The following COL9A2 variants were observed in gnomAD, a reference collection of about 807,000 sequenced individuals.
The protein encoded by COL9A2 is collagen type IX alpha 2 chain.
A neutral mutation model predicts 111.6 loss-of-function variants in COL9A2; 66 were observed. That is an observed-to-expected ratio of 0.59 (90% CI 0.48 to 0.73). The LOEUF (loss-of-function observed/expected upper bound fraction) is 0.73. COL9A2 is among the 30% of genes least tolerant of loss of function. COL9A2 has a pLI of 0.00. For synonymous variants in COL9A2, 353 were observed against 364.1 expected, an observed-to-expected ratio of 0.97 and a Z score of 0.35; for missense variants, 881 against 954.1, an observed-to-expected ratio of 0.92 and a Z score of 1.01.
In COL9A2 at chr1:40,311,707, AGGGTCC is replaced by A; in HGVS notation, c.420_425del (p.Asp141_Pro142del). On this transcript the variant is annotated inframe_deletion and splice_region_variant, in exon 9 of 32. Coordinates refer to ENST00000372748, the MANE Select transcript of COL9A2 (RefSeq NM_001852.4). The surrounding 1 kb of genome is among the most constrained non-coding windows in gnomAD (Gnocchi z 5.1). ...GGGGCCCCGATGGTCCATCTGGTCCAGGGTCCCCCTGGAAGCAAAAGAAGCCCAAAT... is the reference window on the plus strand; with the variant it reads ...GGGGCCCCGATGGTCCATCTGGTCCACCCTGGAAGCAAAAGAAGCCCAAAT... 1 of 1,613,972 alleles carries A rather than the reference AGGGTCC, an allele frequency of 6.2e-7. No individual in the cohort carries two copies. The highest frequency in any genetic ancestry group is 2.2e-5 in the East Asian group (1 of 44,868).
rs887434467 is a variant in COL9A2, at chr1:40,314,079, G to C, written c.249+126C>G. On this transcript the variant is annotated intron_variant, in intron 4 of 31. Transcript: ENST00000372748. This position sits in a 1 kb window ranked among gnomAD's most constrained non-coding sequence, Gnocchi z 4.1. Reference sequence around the variant, plus strand: ...CACAAGTCATATCAAGGTGAGGGGGGCTCACAGCTGGAGAATCTCCATCCT... The same window carrying C: ...CACAAGTCATATCAAGGTGAGGGGGCCTCACAGCTGGAGAATCTCCATCCT... 4 of 1,039,214 alleles carry C rather than the reference G, an allele frequency of 3.8e-6. No homozygotes were observed. The highest frequency in any genetic ancestry group is 1.6e-5 in the African/African-American group (1 of 63,874). The allele number at this position is 1,039,214 out of a possible 1,614,324, so 64.4% of individuals were successfully genotyped here. A position where few individuals can be genotyped will look rare whatever the true frequency, so the allele number is the denominator to read the frequency against.
In COL9A2 at chr1:40,305,749, C is replaced by T; in HGVS notation, c.1073G>A (p.Gly358Asp). ...PGDQGEPGPQ[G>D]LPGFSGPPGK... ...AGGGGGACCAGAGAATCCAGGAAGG[C>T]CCTGCGGGCCCGGCTCACCCTGCAG... Residue 358 changes from glycine (G) to aspartate (D), a missense_variant, in exon 21 of 32, where the codon GGC (glycine) becomes GAC (aspartate). Transcript: ENST00000372748. 1 of 1,614,164 alleles carries T rather than the reference C, an allele frequency of 6.2e-7. No individual in the cohort carries two copies. Among genetic ancestry groups the T allele is most frequent in the Non-Finnish European group, 8.5e-7 (1 of 1,180,020 alleles).
chr1:40,302,676 C>T lies in COL9A2; in HGVS notation c.1737G>A (p.Arg579=), dbSNP rs761267460. 4 of 1,598,848 alleles carry T rather than the reference C, an allele frequency of 2.5e-6. No homozygotes were observed. In the East Asian group the frequency reaches 9.1e-5, roughly 36 times the overall value. The change falls in exon 30 of 32, where the codon CGG becomes CGA. Residue 579 remains arginine, a synonymous_variant. Transcript: ENST00000372748. This position sits in a 1 kb window ranked among gnomAD's most constrained non-coding sequence, Gnocchi z 4.5. ...CGGCTCCCACGATGCCAGGAACGCC[C>T]CGAGGGCCAGGGTGCCCATGGGGGC... ...KQGPHGHPGP[R]GVPGIVGAVG...
At position 40,310,483 on chromosome 1, in the gene COL9A2, T is replaced by C. The variant is rs1644106092; in HGVS notation, c.685-166A>G. ...CAGAGATGAGGAGGGACTCACTGCA[T>C]TACTCAAAGGGACAGTGGCAGACCT... On this transcript the variant is annotated intron_variant, in intron 13 of 31. Transcript: ENST00000372748. The surrounding 1 kb of genome is among the most constrained non-coding windows in gnomAD (Gnocchi z 4.9). 6.6e-6 allele frequency among the ~76,000 whole-genome samples: 1 copy of C among 152,104 alleles called. No homozygotes were observed. Among genetic ancestry groups the C allele is most frequent in the South Asian group, 2.1e-4 (1 of 4,828 alleles).
chr1:40,310,778 G>A lies in COL9A2; in HGVS notation c.631-11C>T, dbSNP rs752035196. 6.4e-7 allele frequency: 1 copy of A among 1,558,304 alleles called. No homozygotes were observed. The highest frequency in any genetic ancestry group is 1.2e-5 in the South Asian group (1 of 84,456). ...ATCTCCCTTGGGACCCTAAAGGGCA[G>A]GGATGAGCTGTCAGACAGGCAGGCA... On this transcript the variant is annotated splice_polypyrimidine_tract_variant and intron_variant, in intron 12 of 31. Transcript: ENST00000372748. The surrounding 1 kb of genome is among the most constrained non-coding windows in gnomAD (Gnocchi z 4.9).
chr1:40,308,504 C>T (rs544963703), intron 16 of COL9A2, among the ~76,000 whole-genome samples: 1 of 152,358 alleles, frequency 6.6e-6, no homozygotes, highest in South Asian at 2.1e-4. Flanking sequence ...CCACTGAGAC[C>T]TTGGCCAAGG....
In COL9A2 at chr1:40,300,860, C is replaced by T. The variant is rs1057515566; in HGVS notation, c.*322G>A. The stretch of plus-strand genomic sequence containing the variant: ...CCCACTGACCCAAGGACAAGATGGC[C>T]AGTGGAGAAAGGTGCAGATTAAGAT... On this transcript the variant is annotated 3_prime_UTR_variant, in exon 32 of 32. Transcript: ENST00000372748. This position sits in a 1 kb window ranked among gnomAD's most constrained non-coding sequence, Gnocchi z 4.4. The T allele has an allele frequency of 3.4e-6, 1 of 296,088 alleles. No individual in the cohort carries two copies. Among genetic ancestry groups the T allele is most frequent in the South Asian group, 4.6e-5 (1 of 21,710 alleles). The allele number at this position is 296,088 out of a possible 1,614,324, so 18.3% of individuals were successfully genotyped here. A position where few individuals can be genotyped will look rare whatever the true frequency, so the allele number is the denominator to read the frequency against.
intron 16 of COL9A2, 67 bp from the exon 17 acceptor site, chr1:40,308,312 GGAACCACTGA>G: frequency 6.6e-7 from 1 of 1,526,498 alleles, no homozygotes; most frequent in Non-Finnish European, 9.0e-7. Flanking sequence ...TGCAGAGAGG[GGAACCACTGA>G]GAACAGTGGC....
rs1644143524 is a variant in COL9A2, at chr1:40,312,329, C to T, written c.363+127G>A. ...GGCTGGCCCTGGGTCTCTGGCAGGTCCACTTATTCCTGACACTATCACAGC... is the reference window on the plus strand; with the variant it reads ...GGCTGGCCCTGGGTCTCTGGCAGGTTCACTTATTCCTGACACTATCACAGC... On this transcript the variant is annotated intron_variant, in intron 7 of 31. Coordinates refer to ENST00000372748, the MANE Select transcript of COL9A2 (RefSeq NM_001852.4). This position sits in a 1 kb window ranked among gnomAD's most constrained non-coding sequence, Gnocchi z 6.0. The T allele has an allele frequency of 7.4e-7, 1 of 1,356,466 alleles. No homozygotes were observed. Among genetic ancestry groups the T allele is most frequent in the African/African-American group, 1.5e-5 (1 of 68,664 alleles). 84.0% of individuals were successfully genotyped at this position (1,356,466 alleles called of 1,614,324 possible). A position where few individuals can be genotyped will look rare whatever the true frequency, so the allele number is the denominator to read the frequency against.
Position 40,305,724 on chromosome 1 carries a change from A to AG in COL9A2, c.1097dup (p.Gly367TrpfsTer23). 2 of 1,614,026 alleles carry AG rather than the reference A, an allele frequency of 1.2e-6. No homozygotes were observed. Among genetic ancestry groups the AG allele is most frequent in the Non-Finnish European group, 1.7e-6 (2 of 1,179,942 alleles). Reference sequence around the variant, plus strand: ...TGCAGGGGGCATTTACCTCTTTCCCAGGGGGACCAGAGAATCCAGGAAGGC... The same window carrying AG: ...TGCAGGGGGCATTTACCTCTTTCCCAGGGGGGACCAGAGAATCCAGGAAGGC... On this transcript the variant is annotated frameshift_variant, in exon 21 of 32. Transcript: ENST00000372748. LOFTEE classifies it high-confidence loss of function.
chr1:40,304,876 G>A (rs777530250), intron 21 of COL9A2, 29 bp from the exon 22 acceptor site: 71 of 1,544,370 alleles, frequency 4.6e-5, no homozygotes, highest in Non-Finnish European at 5.5e-5. Flanking sequence ...GGGGCTAAGC[G>A]TTTGACCTGG....
Position 40,301,156 on chromosome 1 carries a change from T to C in COL9A2, c.*26A>G. ...ACCTGGTCCTTCCCGCCAGGATGCC[T>C]GCCAGGCTCTGTCTGGGCCTGATGC... On this transcript the variant is annotated 3_prime_UTR_variant, in exon 32 of 32. Coordinates refer to ENST00000372748, the MANE Select transcript of COL9A2 (RefSeq NM_001852.4). 6.2e-7 allele frequency: 1 copy of C among 1,611,646 alleles called. No homozygotes were observed. Among genetic ancestry groups the C allele is most frequent in the Non-Finnish European group, 8.5e-7 (1 of 1,179,314 alleles).
chr1:40,314,165 C>T lies in COL9A2; in HGVS notation c.249+40G>A, dbSNP rs1231350438. The T allele has an allele frequency of 6.2e-7, 1 of 1,610,428 alleles. No homozygotes were observed. The highest frequency in any genetic ancestry group is 1.3e-5 in the African/African-American group (1 of 74,930). ...GAGCCAGGCCCTGGAGGTCAATTGG[C>T]AGAGCCCTACCCTGCCCCACCCGAC... On this transcript the variant is annotated intron_variant, in intron 4 of 31. Coordinates refer to ENST00000372748, the MANE Select transcript of COL9A2 (RefSeq NM_001852.4). The surrounding 1 kb of genome is among the most constrained non-coding windows in gnomAD (Gnocchi z 4.1).
chr1:40,312,671 C>G lies in COL9A2; in HGVS notation c.303+60G>C. ...TTCCCCGGCTCCTACTTCCTCTCTACAGCCACTCCCAAACGCTGGCCCTAG... is the reference window on the plus strand; with the variant it reads ...TTCCCCGGCTCCTACTTCCTCTCTAGAGCCACTCCCAAACGCTGGCCCTAG... On this transcript the variant is annotated intron_variant, in intron 5 of 31. Coordinates refer to ENST00000372748, the MANE Select transcript of COL9A2 (RefSeq NM_001852.4). The surrounding 1 kb of genome is among the most constrained non-coding windows in gnomAD (Gnocchi z 6.0). 6.3e-7 allele frequency: 1 copy of G among 1,595,444 alleles called. No homozygotes were observed. The highest frequency in any genetic ancestry group is 8.5e-7 in the Non-Finnish European group (1 of 1,170,268).
At position 40,311,367 on chromosome 1, in the gene COL9A2, G is replaced by A; in HGVS notation, c.520-81C>T. On this transcript the variant is annotated intron_variant, in intron 10 of 31. Coordinates refer to ENST00000372748, the MANE Select transcript of COL9A2 (RefSeq NM_001852.4). The surrounding 1 kb of genome is among the most constrained non-coding windows in gnomAD (Gnocchi z 5.1). ...CTCTCCAAGCCCCGTGCTCTCCTCC[G>A]CCTCACCTGGTGGAACCCCTGCACT... The A allele has an allele frequency of 7.0e-6, 11 of 1,567,766 alleles. No individual in the cohort carries two copies. The highest frequency in any genetic ancestry group is 1.1e-5 in the South Asian group (1 of 88,428).
chr1:40,304,196 G>T (rs1557793947), intron 24 of COL9A2, 97 bp from the exon 25 acceptor site: 2 of 1,514,910 alleles, frequency 1.3e-6, no homozygotes, highest in African/African-American at 2.8e-5. Flanking sequence ...ACTCCGCCTC[G>T]CCGACCAGAC....
chr1:40,311,045 A>G lies in COL9A2; in HGVS notation c.630+48T>C. 1 of 1,607,648 alleles carries G rather than the reference A, an allele frequency of 6.2e-7. No individual in the cohort carries two copies. Among genetic ancestry groups the G allele is most frequent in the Non-Finnish European group, 8.5e-7 (1 of 1,174,664 alleles). On this transcript the variant is annotated intron_variant, in intron 12 of 31. Transcript: ENST00000372748. The surrounding 1 kb of genome is among the most constrained non-coding windows in gnomAD (Gnocchi z 5.1). ...GAAGAAGGGGACAGAGCCCTGTAGG[A>G]CCATCTCCACGTATCCCTGACCCAC... is the stretch of plus-strand genomic sequence containing the variant.
chr1:40,306,439 G>A (rs1644031217), intron 19 of COL9A2, among the ~76,000 whole-genome samples: 2 of 152,224 alleles, frequency 1.3e-5, no homozygotes, highest in South Asian at 2.1e-4. Flanking sequence ...TCAGGTGCCT[G>A]AGCCCATGTG....
At position 40,302,990 on chromosome 1, in the gene COL9A2, C is replaced by T; in HGVS notation, c.1603+141G>A. On this transcript the variant is annotated intron_variant, in intron 29 of 31. Transcript: ENST00000372748. The surrounding 1 kb of genome is among the most constrained non-coding windows in gnomAD (Gnocchi z 4.5). Reference sequence around the variant, plus strand: ...GCCCAGAGTGACTTATTCAAGGTCCCAAAACCCTTCAGAGACTGGACTGGA... The same window carrying T: ...GCCCAGAGTGACTTATTCAAGGTCCTAAAACCCTTCAGAGACTGGACTGGA... The T allele has an allele frequency of 9.0e-7, 1 of 1,107,024 alleles. No individual in the cohort carries two copies. The highest frequency in any genetic ancestry group is 1.3e-6 in the Non-Finnish European group (1 of 752,940). The allele number at this position is 1,107,024 out of a possible 1,614,324, so 68.6% of individuals were successfully genotyped here.
Sources: gnomAD v4.1 joint callset for allele counts (sites outside exome capture counted in the v4.1 genomes callset) on GRCh38, gnomAD v4.1.1 for gene constraint, Gnocchi (gnomAD v3.1) non-coding constraint, MANE v1.5 for transcripts, NCBI Gene and HGNC (gene_info 2026-07-23, HGNC 2026-07-21) for gene names.